Variants in CYP2A13 observed in about 807,000 individuals in gnomAD.
CYP2A13 encodes the protein cytochrome P450 family 2 subfamily A member 13, also known as cytochrome P450 2A13.
CYP2A13 carries 30 observed loss-of-function variants against 39.4 expected under a neutral mutation model. The ratio of observed to expected loss-of-function variants is 0.76; its 90% CI spans 0.57 to 1.03. The LOEUF is 1.03. Among genes scored for constraint, CYP2A13 ranks in the 50% least tolerant of loss-of-function variants. CYP2A13 has a pLI of 0.00. For missense variants in CYP2A13, 731 were observed against 648.4 expected (o/e 1.13, Z -1.38); for synonymous variants, 269 against 254.7 (o/e 1.06, Z -0.54).
At chr19:41,093,586 G>A (rs2031235412) in intron 5 of CYP2A13, 44 bp from the exon 6 acceptor site, 1 of 1,612,548 alleles carries the variant, frequency 6.2e-7, no homozygotes, top group Admixed American at 1.7e-5. Flanking sequence ...AGGGCCCCAA[G>A]AGCATGGAGA....
intron 7 of CYP2A13, 150 bp from the exon 8 acceptor site, chr19:41,094,809 C>A: frequency 1.2e-6 from 1 of 838,048 alleles, no homozygotes; most frequent in Non-Finnish European, 1.9e-6. Flanking sequence ...AAACTTCTAT[C>A]CCCCAAAGCT....
At position 41,093,728 on chromosome 19, in the gene CYP2A13, G is replaced by T. The variant is rs533184249; in HGVS notation, c.930G>T (p.Leu310=). ...FAGTETVSTT[L]RYGFLLLMKH... ...GCACTGAGACCGTGAGCACCACCCT[G>T]CGCTACGGTTTCCTGCTGCTCATGA... Residue 310 remains leucine, a synonymous_variant, in exon 6 of 9, where the codon CTG becomes CTT. Coordinates refer to ENST00000330436, the MANE Select transcript of CYP2A13 (RefSeq NM_000766.5). 4 of 1,614,032 alleles carry T rather than the reference G, an allele frequency of 2.5e-6. No individual in the cohort carries two copies. In the East Asian group the frequency reaches 6.7e-5, roughly 27 times the overall value.
intron 5 of CYP2A13, among the ~76,000 whole-genome samples, chr19:41,093,375 A>G (rs1168504919): frequency 6.6e-6 from 1 of 152,126 alleles, no homozygotes; most frequent in East Asian, 1.9e-4. Context: ...TAAGAAAAAA[A>G]AAAAACCAAC....
rs771991041 is a variant in CYP2A13, at chr19:41,090,131, G to C, written c.428G>C (p.Arg143Pro). The C allele has an allele frequency of 6.2e-7, 1 of 1,605,716 alleles. No homozygotes were observed. Among genetic ancestry groups the C allele is most frequent in the Non-Finnish European group, 8.5e-7 (1 of 1,175,750 alleles). The change falls in exon 3 of 9, where the codon CGC becomes CCC. Residue 143 changes from arginine (R) to proline (P), a missense_variant. Transcript: ENST00000330436. ...ATLRGFGVGK[R>P]GIEERIQEEA... ...CTAAGGGGTTTTGGCGTGGGCAAGC[G>C]CGGCATCGAGGAACGCATCCAGGAG...
chr19:41,089,804 GTCTCTCTCTC>G (rs752348205), intron 2 of CYP2A13, among the ~76,000 whole-genome samples: 373 of 26,504 alleles, frequency 0.014, 33 homozygotes, highest in East Asian at 0.03. Flanking sequence ...TTTCTACCCG[GTCTCTCTCTC>G]TCTCTCTCTC....
In CYP2A13 at chr19:41,095,766, G is replaced by C. The variant is rs199942376; in HGVS notation, c.1310G>C (p.Arg437Pro). ...TCCTGCCTCTCCTCCTCAGGAAAGCGGTACTGTTTTGGAGAAGGCCTGGCC... is the reference window on the plus strand; with the variant it reads ...TCCTGCCTCTCCTCCTCAGGAAAGCCGTACTGTTTTGGAGAAGGCCTGGCC... ...DAFVPFSIGK[R>P]YCFGEGLARM... The change falls in exon 9 of 9, where the codon CGG becomes CCG. Residue 437 changes from arginine (R) to proline (P), a missense_variant. By Grantham distance (103) the Arg-to-Pro change is moderately radical. Transcript: ENST00000330436. 2 of 1,614,036 alleles carry C rather than the reference G, an allele frequency of 1.2e-6. No homozygotes were observed. Among genetic ancestry groups the C allele is most frequent in the Non-Finnish European group, 1.7e-6 (2 of 1,179,964 alleles).
In CYP2A13 at chr19:41,094,161, T is replaced by C. The variant is rs533149561; in HGVS notation, c.974-84T>C. 41 of 1,559,508 alleles carry C rather than the reference T, an allele frequency of 2.6e-5. No homozygotes were observed. In the African/African-American group the frequency reaches 5.6e-4, roughly 21 times the overall value. ...CCTCCGTGTCATAGGTGGAGCTATGTCAACCACCGTGTTTTACCTATTCGG... is the reference window on the plus strand; with the variant it reads ...CCTCCGTGTCATAGGTGGAGCTATGCCAACCACCGTGTTTTACCTATTCGG... On this transcript the variant is annotated intron_variant, in intron 6 of 8. Coordinates refer to ENST00000330436, the MANE Select transcript of CYP2A13 (RefSeq NM_000766.5).
Position 41,088,760 on chromosome 19 carries a change from C to T in CYP2A13, c.180+109C>T, listed in dbSNP as rs573563231. On this transcript the variant is annotated intron_variant, in intron 1 of 8. Coordinates refer to ENST00000330436, the MANE Select transcript of CYP2A13 (RefSeq NM_000766.5). The stretch of plus-strand genomic sequence containing the variant: ...GGACCAGAGTCTTAGGAAAGGGAGT[C>T]TTGGAGTTTCAGCATCAGGGTCCTA... 49 of 1,537,996 alleles carry T rather than the reference C, an allele frequency of 3.2e-5. No homozygotes were observed. The East Asian group carries it at 4.5e-4, about 14-fold the overall frequency.
At position 41,089,306 on chromosome 19, in the gene CYP2A13, C is replaced by T. The variant is rs369060424; in HGVS notation, c.343+215C>T. 2.6e-5 allele frequency among the ~76,000 whole-genome samples: 4 copies of T among 152,232 alleles called. No homozygotes were observed. The South Asian group carries it at 8.3e-4, about 32-fold the overall frequency. ...GATTCCTCCCTGCCTCTCTCTGCCC[C>T]GTCTCCTCCTTCTCTCTCACTGGAG... is the stretch of plus-strand genomic sequence containing the variant. On this transcript the variant is annotated intron_variant, in intron 2 of 8. Transcript: ENST00000330436.
chr19:41,095,623 T>C lies in CYP2A13; in HGVS notation c.1304-137T>C. ...GAAGGAAACTGAAGCTCAGGGAGGA[T>C]CGGAGTCTCCTCTGAAAGTCTCTCA... On this transcript the variant is annotated intron_variant, in intron 8 of 8. Coordinates refer to ENST00000330436, the MANE Select transcript of CYP2A13 (RefSeq NM_000766.5). 3 of 1,134,922 alleles carry C rather than the reference T, an allele frequency of 2.6e-6. No individual in the cohort carries two copies. In the South Asian group the frequency reaches 4.7e-5, roughly 18 times the overall value. 70.3% of individuals were successfully genotyped at this position (1,134,922 alleles called of 1,614,324 possible).
At position 41,096,043 on chromosome 19, in the gene CYP2A13, G is replaced by A. The variant is rs79960910; in HGVS notation, c.*102G>A. On this transcript the variant is annotated 3_prime_UTR_variant, in exon 9 of 9. Transcript: ENST00000330436. ...GGCGGGGCTAAGAATGGGGGCAGTGGGGGAAGGAAGGGGAGAGGTGGTTAG... is the reference window on the plus strand; with the variant it reads ...GGCGGGGCTAAGAATGGGGGCAGTGAGGGAAGGAAGGGGAGAGGTGGTTAG... The A allele has an allele frequency of 1.8e-3, 2,480 of 1,408,226 alleles. 63 individuals carry two copies. The African/African-American group carries it at 0.032, about 18-fold the overall frequency. The allele number at this position is 1,408,226 out of a possible 1,614,324, so 87.2% of individuals were successfully genotyped here. A position where few individuals can be genotyped will look rare whatever the true frequency, so the allele number is the denominator to read the frequency against.
Position 41,088,587 on chromosome 19 carries a change from C to T in CYP2A13, c.116C>T (p.Pro39Leu). Residue 39 changes from proline to leucine, a missense_variant, in exon 1 of 9, where the codon CCA becomes CTA. Pro to Leu is a moderately conservative substitution (Grantham distance 98). Transcript: ENST00000330436. ...SRGKLPPGPT[P>L]LPFIGNYLQL... is the part of the protein sequence containing the mutation. ...GGGAAGCTGCCTCCGGGACCCACCCCATTGCCCTTCATTGGAAACTACCTG... is the reference window on the plus strand; with the variant it reads ...GGGAAGCTGCCTCCGGGACCCACCCTATTGCCCTTCATTGGAAACTACCTG... 1.9e-6 allele frequency: 3 copies of T among 1,614,038 alleles called. No individual in the cohort carries two copies. Among genetic ancestry groups the T allele is most frequent in the South Asian group, 2.2e-5 (2 of 91,072 alleles).
In CYP2A13 at chr19:41,093,780, G is replaced by A; in HGVS notation, c.973+9G>A. On this transcript the variant is annotated intron_variant, in intron 6 of 8. Coordinates refer to ENST00000330436, the MANE Select transcript of CYP2A13 (RefSeq NM_000766.5). ...GCACCCAGAGGTGGAGGGTAAGACT[G>A]GAAAGGGAGGAAAGTGAAGGGCCCC... is the stretch of plus-strand genomic sequence containing the variant. 6.2e-7 allele frequency: 1 copy of A among 1,613,388 alleles called. No individual in the cohort carries two copies. Among genetic ancestry groups the A allele is most frequent in the Non-Finnish European group, 8.5e-7 (1 of 1,179,614 alleles).
chr19:41,089,445 G>A (rs995513443), intron 2 of CYP2A13, among the ~76,000 whole-genome samples: 3 of 151,756 alleles, frequency 2.0e-5, no homozygotes, highest in East Asian at 1.9e-4. Context: ...GTGCTTCTCC[G>A]TGTTTCTCCT....
chr19:41,096,064 G>A lies in CYP2A13; in HGVS notation c.*123G>A. 1.4e-6 allele frequency: 2 copies of A among 1,414,550 alleles called. No individual in the cohort carries two copies. The highest frequency in any genetic ancestry group is 2.7e-5 in the South Asian group (2 of 74,542). 87.6% of individuals were successfully genotyped at this position (1,414,550 alleles called of 1,614,324 possible). A position where few individuals can be genotyped will look rare whatever the true frequency, so the allele number is the denominator to read the frequency against. On this transcript the variant is annotated 3_prime_UTR_variant, in exon 9 of 9. Coordinates refer to ENST00000330436, the MANE Select transcript of CYP2A13 (RefSeq NM_000766.5). The stretch of plus-strand genomic sequence containing the variant: ...AGTGGGGGAAGGAAGGGGAGAGGTG[G>A]TTAGAGGGAACAGAAGAAACAGAAG...
At position 41,088,460 on chromosome 19, in the gene CYP2A13, C is replaced by T. The variant is rs540125173; in HGVS notation, c.-12C>T. Reference sequence around the variant, plus strand: ...CACCCCAGCCATCACCATCTATCATCCCACTGCCACCATGCTGGCCTCAGG... The same window carrying T: ...CACCCCAGCCATCACCATCTATCATTCCACTGCCACCATGCTGGCCTCAGG... On this transcript the variant is annotated 5_prime_UTR_variant, in exon 1 of 9. Coordinates refer to ENST00000330436, the MANE Select transcript of CYP2A13 (RefSeq NM_000766.5). The T allele has an allele frequency of 1.9e-6, 3 of 1,610,616 alleles. No individual in the cohort carries two copies. In the African/African-American group the frequency reaches 4.0e-5, roughly 22 times the overall value.
chr19:41,092,470 C>T (rs1709079), intron 5 of CYP2A13, among the ~76,000 whole-genome samples: 4,405 of 152,184 alleles, frequency 0.029, 182 homozygotes, highest in African/African-American at 0.091. Context: ...CCAGGCACTG[C>T]GTTAAGTGCT....
In CYP2A13 at chr19:41,090,436, C is replaced by A; in HGVS notation, c.526C>A (p.Arg176Ser). ...ANIDPTFFLSRTVSNVISSIV... is the reference protein window; with the variant it reads ...ANIDPTFFLSSTVSNVISSIV... Reference sequence around the variant, plus strand: ...TATCGATCCCACCTTCTTCCTGAGCCGCACAGTCTCCAATGTCATCAGCTC... The same window carrying A: ...TATCGATCCCACCTTCTTCCTGAGCAGCACAGTCTCCAATGTCATCAGCTC... The change falls in exon 4 of 9, where the codon CGC (arginine) becomes AGC (serine). Residue 176 changes from arginine (R) to serine (S), a missense_variant. Physicochemically the swap from Arg to Ser is moderately radical, Grantham distance 110. Transcript: ENST00000330436. 1 of 1,614,156 alleles carries A rather than the reference C, an allele frequency of 6.2e-7. No individual in the cohort carries two copies. Among genetic ancestry groups the A allele is most frequent in the South Asian group, 1.1e-5 (1 of 91,086 alleles).
At position 41,090,099 on chromosome 19, in the gene CYP2A13, C is replaced by T. The variant is rs777222816; in HGVS notation, c.396C>T (p.Ile132=). 1.2e-6 allele frequency: 2 copies of T among 1,612,628 alleles called. No homozygotes were observed. Among genetic ancestry groups the T allele is most frequent in the Non-Finnish European group, 1.7e-6 (2 of 1,179,466 alleles). Residue 132 remains isoleucine (I), a synonymous_variant, in exon 3 of 9, where the codon ATC becomes ATT. Coordinates refer to ENST00000330436, the MANE Select transcript of CYP2A13 (RefSeq NM_000766.5). ...CCAAGCAGCTCCGGCGCTTCTCCATCGCCACCCTAAGGGGTTTTGGCGTGG... is the reference window on the plus strand; with the variant it reads ...CCAAGCAGCTCCGGCGCTTCTCCATTGCCACCCTAAGGGGTTTTGGCGTGG... ...ERAKQLRRFS[I]ATLRGFGVGK... is the part of the protein sequence containing the mutation.
Sources: allele counts gnomAD v4.1 joint callset (sites outside exome capture counted in the v4.1 genomes callset), GRCh38; gene constraint gnomAD v4.1.1; transcripts MANE v1.5; gene names NCBI Gene and HGNC (gene_info 2026-07-23, HGNC 2026-07-21).